Variants in ADAMTSL1 observed in about 807,000 individuals in gnomAD.
ADAMTSL1 encodes the protein ADAMTS-like protein 1.
Under a neutral mutation model 201.8 loss-of-function variants are expected in ADAMTSL1, and 126 were observed. The observed-to-expected ratio is 0.62, with a 90% CI of 0.54 to 0.72. The LOEUF (loss-of-function observed/expected upper bound fraction) is 0.72, where lower values mean the gene tolerates loss of function less well. ADAMTSL1 is among the 30% of genes least tolerant of loss of function. ADAMTSL1 has a pLI of 0.00. For missense variants in ADAMTSL1, 2,679 were observed against 2,277.8 expected, an observed-to-expected ratio of 1.18 and a Z score of -3.59; for synonymous variants, 1,121 against 903.4, an observed-to-expected ratio of 1.24 and a Z score of -4.32.
chr9:18,030,719 T>C (rs1820915249), intron 1 of ADAMTSL1, among the ~76,000 whole-genome samples: 1 of 152,090 alleles, frequency 6.6e-6, no homozygotes, highest in African/African-American at 2.4e-5. Flanking sequence ...CTAGTAAAAT[T>C]GGAGAAATTT....
intron 23 of ADAMTSL1, among the ~76,000 whole-genome samples, chr9:18,837,250 TA>T (rs1429769513): frequency 7.9e-5 from 12 of 152,344 alleles, no homozygotes; most frequent in African/African-American, 2.9e-4. Flanking sequence ...AGTTTTAAGT[TA>T]ATTTATCTTT....
chr9:18,231,597 A>C (rs1830647644), intron 2 of ADAMTSL1, among the ~76,000 whole-genome samples: 1 of 152,130 alleles, frequency 6.6e-6, no homozygotes, highest in Non-Finnish European at 1.5e-5. Context: ...ATGCAGTCTC[A>C]TGGCTATATG....
chr9:18,537,998 G>A (rs937460339), intron 3 of ADAMTSL1, among the ~76,000 whole-genome samples: 1 of 151,510 alleles, frequency 6.6e-6, no homozygotes, highest in Admixed American at 6.6e-5. Flanking sequence ...GGAAGAAGAA[G>A]AAGAAGGAGG....
intron 1 of ADAMTSL1, among the ~76,000 whole-genome samples, chr9:18,082,706 T>C (rs1329923): frequency 0.29 from 44,116 of 152,072 alleles, 8,291 homozygotes; most frequent in African/African-American, 0.52. Flanking sequence ...GTTTGGCTGG[T>C]TCCTCCATTG....
intron 4 of ADAMTSL1, among the ~76,000 whole-genome samples, chr9:18,603,598 G>A (rs1002131437): frequency 1.1e-4 from 17 of 152,156 alleles, no homozygotes; most frequent in African/African-American, 3.6e-4. Flanking sequence ...AACCCACATA[G>A]CAGATGTTTA....
intron 2 of ADAMTSL1, among the ~76,000 whole-genome samples, chr9:18,407,464 T>G (rs1404845277): frequency 6.6e-6 from 1 of 152,136 alleles, no homozygotes; most frequent in African/African-American, 2.4e-5. Flanking sequence ...TAAGGATTCT[T>G]TCAGAGGGAA....
chr9:18,801,009 G>A (rs1433340758), intron 20 of ADAMTSL1, among the ~76,000 whole-genome samples: 3 of 152,180 alleles, frequency 2.0e-5, no homozygotes, highest in Non-Finnish European at 1.5e-5. Context: ...GAAAGAGAAT[G>A]GTAATGGAAA....
At chr9:18,683,527 C>T (rs778486797) in intron 12 of ADAMTSL1, among the ~76,000 whole-genome samples, 4 of 152,090 alleles carry the variant, frequency 2.6e-5, no homozygotes, top group Non-Finnish European at 5.9e-5. Flanking sequence ...CACGCCCAGC[C>T]GACTGAGTCA....
intron 8 of ADAMTSL1, among the ~76,000 whole-genome samples, chr9:18,660,282 T>G (rs547888386): frequency 1.2e-4 from 19 of 152,358 alleles, no homozygotes; most frequent in Admixed American, 1.2e-3. Context: ...GCTTGAAAAT[T>G]ACTGAAGAAA....
At chr9:18,689,842 T>C (rs1831106770) in intron 13 of ADAMTSL1, among the ~76,000 whole-genome samples, 1 of 152,256 alleles carries the variant, frequency 6.6e-6, no homozygotes, top group South Asian at 2.1e-4. Context: ...GGGTAGTCCT[T>C]GTGCCTTGAT....
At chr9:18,308,823 C>T (rs1800837192) in intron 2 of ADAMTSL1, among the ~76,000 whole-genome samples, 2 of 152,152 alleles carry the variant, frequency 1.3e-5, no homozygotes, top group Admixed American at 1.3e-4. Flanking sequence ...TGAATCCTCC[C>T]TAACTCATTT....
intron 4 of ADAMTSL1, among the ~76,000 whole-genome samples, chr9:18,575,665 A>C (rs10733355): frequency 0.26 from 38,850 of 152,080 alleles, 5,518 homozygotes; most frequent in East Asian, 0.65. Flanking sequence ...AAAGAATAAT[A>C]ACTCCCTATG....
intron 2 of ADAMTSL1, among the ~76,000 whole-genome samples, chr9:18,191,410 G>A (rs565087068): frequency 6.1e-4 from 93 of 152,224 alleles, no homozygotes; most frequent in African/African-American, 2.1e-3. Context: ...GAGACTGATG[G>A]CATCTCAGGC....
At chr9:18,119,853 C>G (rs1175638167) in intron 1 of ADAMTSL1, among the ~76,000 whole-genome samples, 1 of 152,092 alleles carries the variant, frequency 6.6e-6, no homozygotes, top group African/African-American at 2.4e-5. Context: ...GATAAAACAT[C>G]CGAATCTATT....
In ADAMTSL1 at chr9:17,932,289, C is replaced by T. The variant is rs555860930; in HGVS notation, c.87+25367C>T. Among the ~76,000 whole-genome samples the T allele has an allele frequency of 1.0e-3, 153 of 152,230 alleles. No homozygotes were observed. In the Middle Eastern group the frequency reaches 0.02, roughly 20 times the overall value. On this transcript the variant is annotated intron_variant, in intron 1 of 29. Coordinates refer to the ADAMTSL1 transcript ENST00000680146. ...GAGACCTGGGTTGGCAATTCCAGGG[C>T]GGTTGGCCACCTTTCCATCAATTTC...
At chr9:18,269,620 G>T (rs1721790872) in intron 2 of ADAMTSL1, among the ~76,000 whole-genome samples, 1 of 152,146 alleles carries the variant, frequency 6.6e-6, no homozygotes, top group South Asian at 2.1e-4. Flanking sequence ...GTCACTAATT[G>T]GTTTTGCAAA....
chr9:18,891,506 G>A (rs918535330), intron 25 of ADAMTSL1, among the ~76,000 whole-genome samples: 1 of 152,166 alleles, frequency 6.6e-6, no homozygotes, highest in Non-Finnish European at 1.5e-5. Flanking sequence ...TATATGGACC[G>A]AGGATTTCCG....
At chr9:18,162,643 AT>A (rs1374080567) in intron 1 of ADAMTSL1, among the ~76,000 whole-genome samples, 1 of 152,054 alleles carries the variant, frequency 6.6e-6, no homozygotes, top group Non-Finnish European at 1.5e-5. Flanking sequence ...TCCAAAAGAC[AT>A]ACGGTTTAAA....
intron 23 of ADAMTSL1, among the ~76,000 whole-genome samples, chr9:18,851,111 G>A (rs1248775884): frequency 6.6e-6 from 1 of 151,998 alleles, no homozygotes. Flanking sequence ...TCACCATTGT[G>A]AGTGTAAATT....
Sources: gnomAD v4.1 joint callset for allele counts (sites outside exome capture counted in the v4.1 genomes callset) on GRCh38, gnomAD v4.1.1 for gene constraint, MANE v1.5 for transcripts, NCBI Gene and HGNC (gene_info 2026-07-23, HGNC 2026-07-21) for gene names.